The following RBFOX1 variants were observed in gnomAD, a reference collection of about 807,000 sequenced individuals.
RBFOX1 encodes RNA binding protein fox-1 homolog 1.
In RBFOX1, 8 loss-of-function variants were observed where a neutral mutation model predicts 57.7. The observed-to-expected ratio is 0.14, with a 90% CI of 0.08 to 0.25. The LOEUF is 0.25. Ranked by LOEUF, RBFOX1 falls within the 10% of genes least tolerant of loss-of-function variation. The probability of loss-of-function intolerance (pLI) is 1.00; values close to 1 mark genes in which losing one functional copy is unlikely to be tolerated. For missense variants in RBFOX1, 611 were observed against 548.5 expected (o/e 1.11, Z -1.14); for synonymous variants, 326 against 222.4 (o/e 1.47, Z -4.15).
chr16:6,422,025 A>C (rs750434949), intron 2 of RBFOX1, among the ~76,000 whole-genome samples: 2 of 144,640 alleles, frequency 1.4e-5, no homozygotes, highest in Non-Finnish European at 3.0e-5. Flanking sequence ...GATTCAGGCA[A>C]TTCTCCTGCC....
intron 1 of RBFOX1, among the ~76,000 whole-genome samples, chr16:6,217,696 C>G (rs945447422): frequency 6.6e-6 from 1 of 152,184 alleles, no homozygotes; most frequent in Admixed American, 6.5e-5. Context: ...CGCACAGACA[C>G]CTGACACCTA....
In RBFOX1 at chr16:7,217,900, GTGTGCA is replaced by G. The variant is rs879749463; in HGVS notation, c.27+165807_27+165812del. 7.4e-3 allele frequency among the ~76,000 whole-genome samples: 955 copies of G among 128,624 alleles called. 2 individuals carry two copies. Among genetic ancestry groups the G allele is most frequent in the Non-Finnish European group, 0.012 (708 of 60,440 alleles). 84.4% of individuals were successfully genotyped at this position (128,624 alleles called of 152,430 possible). A position where few individuals can be genotyped will look rare whatever the true frequency, so the allele number is the denominator to read the frequency against. On this transcript the variant is annotated intron_variant, in intron 4 of 15. Coordinates refer to ENST00000550418, the MANE Select transcript of RBFOX1 (RefSeq NM_018723.4). ...TGTGCATGTGTGTGCATGCGTATGT[GTGTGCA>G]TGTGTGTGTGTGAGTGTAGGTGTGT...
rs1471231748 is a variant in RBFOX1, at chr16:6,773,195, G to C, written c.-16+118545G>C. Among the ~76,000 whole-genome samples the C allele has an allele frequency of 5.6e-5, 7 of 125,710 alleles. No homozygotes were observed. In the East Asian group the frequency reaches 2.0e-3, roughly 37 times the overall value. The allele number at this position is 125,710 out of a possible 152,430, so 82.5% of individuals were successfully genotyped here. On this transcript the variant is annotated intron_variant, in intron 3 of 15. Transcript: ENST00000550418. Reference sequence around the variant, plus strand: ...TTGTGTGTGTGTGTGTGGGCATGGGGTGCATTTGTGTGTGAGTGTATGTGT... The same window carrying C: ...TTGTGTGTGTGTGTGTGGGCATGGGCTGCATTTGTGTGTGAGTGTATGTGT...
intron 3 of RBFOX1, among the ~76,000 whole-genome samples, chr16:7,025,255 A>G (rs1051379155): frequency 2.0e-5 from 3 of 152,120 alleles, no homozygotes; most frequent in African/African-American, 7.2e-5. Flanking sequence ...TAACTCTGTG[A>G]TGTTGCCATG....
chr16:7,315,877 C>T (rs770448986), intron 4 of RBFOX1, among the ~76,000 whole-genome samples: 11 of 152,114 alleles, frequency 7.2e-5, no homozygotes, highest in Non-Finnish European at 1.5e-4. Flanking sequence ...CTATTGTTTA[C>T]TTGGTTTACA....
chr16:7,074,858 C>G (rs117984854), intron 4 of RBFOX1, among the ~76,000 whole-genome samples: 1,653 of 152,262 alleles, frequency 0.011, 16 homozygotes, highest in Non-Finnish European at 0.017. Flanking sequence ...CGCAACATAT[C>G]TCTGTAATGA....
chr16:5,783,808 T>C (rs1443991717), intron 3 of RBFOX1, among the ~76,000 whole-genome samples: 2 of 152,154 alleles, frequency 1.3e-5, no homozygotes, highest in Non-Finnish European at 2.9e-5. Flanking sequence ...GGGGGCAGGC[T>C]CCCTAGTGCA....
At chr16:6,904,619 A>G (rs943233496) in intron 3 of RBFOX1, among the ~76,000 whole-genome samples, 10 of 150,718 alleles carry the variant, frequency 6.6e-5, no homozygotes, top group Middle Eastern at 3.4e-3. Flanking sequence ...AAAAAAAAAA[A>G]AAAAAAAAAG....
chr16:5,692,008 G>A (rs1181677763), intron 3 of RBFOX1, among the ~76,000 whole-genome samples: 2 of 83,652 alleles, frequency 2.4e-5, no homozygotes, highest in South Asian at 7.2e-4. Flanking sequence ...TGCACATTTG[G>A]TAACTCTTTT....
At chr16:6,939,035 A>C (rs2077863722) in intron 3 of RBFOX1, among the ~76,000 whole-genome samples, 2 of 152,152 alleles carry the variant, frequency 1.3e-5, no homozygotes, top group South Asian at 4.1e-4. Flanking sequence ...TTGACATGTG[A>C]CGAACTCTGG....
chr16:7,676,860 C>T (rs768332582), intron 14 of RBFOX1, 22 bp downstream of exon 14: 29 of 1,592,256 alleles, frequency 1.8e-5, no homozygotes, highest in Non-Finnish European at 2.3e-5. Flanking sequence ...CCTTCTTGTG[C>T]TTGACAACTA....
rs912439746 is a variant in RBFOX1, at chr16:5,942,950, G to A, written c.351+75615G>A. On this transcript the variant is annotated intron_variant, in intron 4 of 19. Transcript: ENST00000641259. Reference sequence around the variant, plus strand: ...TCTGGTGCTGAGCCTACACTGTCTCGGGCTGGTAGGGCTTGACTGCTCCAG... The same window carrying A: ...TCTGGTGCTGAGCCTACACTGTCTCAGGCTGGTAGGGCTTGACTGCTCCAG... 5.3e-5 allele frequency among the ~76,000 whole-genome samples: 8 copies of A among 152,260 alleles called. No individual in the cohort carries two copies. In the South Asian group the frequency reaches 6.2e-4, roughly 12 times the overall value.
chr16:5,336,437 A>G (rs1399183854), intron 1 of RBFOX1, among the ~76,000 whole-genome samples: 3 of 152,192 alleles, frequency 2.0e-5, no homozygotes, highest in South Asian at 4.2e-4. Context: ...TCCTTACAGG[A>G]CTTCCGTTGC....
intron 4 of RBFOX1, among the ~76,000 whole-genome samples, chr16:7,249,359 A>C (rs549675563): frequency 6.6e-6 from 1 of 152,144 alleles, no homozygotes; most frequent in Non-Finnish European, 1.5e-5. Flanking sequence ...GACAATAAGA[A>C]CAAAATCTAC....
intron 3 of RBFOX1, among the ~76,000 whole-genome samples, chr16:5,669,110 C>A (rs2049938681): frequency 6.6e-6 from 1 of 152,156 alleles, no homozygotes. Context: ...TGAATAGACC[C>A]AAAATGTAAT....
At chr16:5,393,217 A>T (rs531991276) in intron 1 of RBFOX1, among the ~76,000 whole-genome samples, 11 of 152,076 alleles carry the variant, frequency 7.2e-5, no homozygotes, top group South Asian at 2.1e-4. Context: ...GGCTGTTCTG[A>T]GTCACTGTAC....
chr16:6,409,285 G>A (rs558611570), intron 2 of RBFOX1, among the ~76,000 whole-genome samples: 4 of 152,154 alleles, frequency 2.6e-5, no homozygotes, highest in East Asian at 1.9e-4. Flanking sequence ...ATGGTGGTGC[G>A]CACCGGTAAT....
At chr16:7,465,832 C>T (rs895158673) in intron 4 of RBFOX1, among the ~76,000 whole-genome samples, 2 of 152,178 alleles carry the variant, frequency 1.3e-5, no homozygotes, top group Non-Finnish European at 2.9e-5. Context: ...CACCGAAGTG[C>T]TGGAATAACT....
chr16:5,706,204 C>T (rs556310095), intron 3 of RBFOX1, among the ~76,000 whole-genome samples: 1 of 152,326 alleles, frequency 6.6e-6, no homozygotes, highest in Non-Finnish European at 1.5e-5. Flanking sequence ...GGCCATGGCT[C>T]CCGGCCATGT....
Sources: allele counts gnomAD v4.1 joint callset (sites outside exome capture counted in the v4.1 genomes callset), GRCh38; gene constraint gnomAD v4.1.1; transcripts MANE v1.5; gene names NCBI Gene and HGNC (gene_info 2026-07-23, HGNC 2026-07-21).